The following GRAMD1C variants were observed in gnomAD, a reference collection of about 807,000 sequenced individuals.
GRAMD1C encodes GRAM domain containing 1C, also known as protein Aster-C.
GRAMD1C carries 89 observed loss-of-function variants against 97.8 expected under a neutral mutation model. That is an observed-to-expected ratio of 0.91 (90% CI 0.77 to 1.09). GRAMD1C has a LOEUF of 1.09. GRAMD1C is among the 50% of genes least tolerant of loss of function. GRAMD1C has a pLI of 0.00. For synonymous variants in GRAMD1C, 256 were observed against 267.0 expected (o/e 0.96, Z 0.40); for missense variants, 740 against 766.4 (o/e 0.97, Z 0.41).
chr3:113,937,669 TA>T (rs1209358261), intron 14 of GRAMD1C, among the ~76,000 whole-genome samples: 1 of 152,238 alleles, frequency 6.6e-6, no homozygotes, highest in Non-Finnish European at 1.5e-5. Context: ...AAATAATTTT[TA>T]AAAGTTCTTT....
intron 2 of GRAMD1C, among the ~76,000 whole-genome samples, chr3:113,860,267 G>A (rs1156950023): frequency 3.9e-5 from 6 of 152,110 alleles, no homozygotes; most frequent in African/African-American, 1.4e-4. Flanking sequence ...TGATCCACCC[G>A]CCTTGGCCTC....
At chr3:113,837,561 T>C (rs1559770794), upstream of GRAMD1C, among the ~76,000 whole-genome samples, 12 of 152,172 alleles carry the variant, frequency 7.9e-5, no homozygotes. Context: ...CATTGGTACA[T>C]AAAAAAATTT....
At chr3:113,890,325 A>C (rs1273083644) in intron 6 of GRAMD1C, among the ~76,000 whole-genome samples, 1 of 152,182 alleles carries the variant, frequency 6.6e-6, no homozygotes, top group Non-Finnish European at 1.5e-5. Flanking sequence ...GCCCTGCTTC[A>C]CCAGAGCCAC....
intron 10 of GRAMD1C, among the ~76,000 whole-genome samples, chr3:113,916,583 G>A (rs953106389): frequency 1.6e-4 from 25 of 152,130 alleles, no homozygotes; most frequent in Admixed American, 1.3e-3. Flanking sequence ...TCAGCATAGC[G>A]GTTACTGTTG....
At chr3:113,828,230 G>A (rs1379309660) in exon 1 of GRAMD1C, 1 of 152,286 alleles carries the variant, frequency 6.6e-6, no homozygotes, top group Admixed American at 6.5e-5. Flanking sequence ...TGTCCATATG[G>A]AGAGGAATTG....
chr3:113,939,791 A>G, intron 15 of GRAMD1C, 95 bp from the exon 16 acceptor site: 2 of 687,658 alleles, frequency 2.9e-6, no homozygotes, highest in South Asian at 3.4e-5. Context: ...CAGTGTAGAC[A>G]ATACACATTT....
intron 2 of GRAMD1C, among the ~76,000 whole-genome samples, chr3:113,852,521 G>T (rs370266455): frequency 2.0e-5 from 3 of 152,152 alleles, no homozygotes; most frequent in South Asian, 2.1e-4. Flanking sequence ...TCTGCTAAGG[G>T]TACCTAGCAA....
intron 6 of GRAMD1C, chr3:113,885,157 G>A (rs1426951050): frequency 6.6e-6 from 4 of 604,506 alleles, no homozygotes; most frequent in Middle Eastern, 4.4e-4. Flanking sequence ...TTTCTGAGCC[G>A]CCCGCTCCGT....
At chr3:113,895,038 C>T (rs1480842614) in intron 6 of GRAMD1C, among the ~76,000 whole-genome samples, 4 of 152,104 alleles carry the variant, frequency 2.6e-5, no homozygotes, top group Admixed American at 6.5e-5. Context: ...CTTGGTCAGA[C>T]GTAGGCCAAG....
chr3:113,839,210 C>G (rs1273642936), intron 1 of GRAMD1C, among the ~76,000 whole-genome samples: 1 of 152,056 alleles, frequency 6.6e-6, no homozygotes, highest in Non-Finnish European at 1.5e-5. Context: ...GATGTCTCAG[C>G]CCCAGGCCCC....
At chr3:113,833,836 T>A (rs77654733), upstream of GRAMD1C, among the ~76,000 whole-genome samples, 2,217 of 152,310 alleles carry the variant, frequency 0.015, 49 homozygotes, top group African/African-American at 0.048. Context: ...TCTTGCCACC[T>A]TTTTTGTTGC....
chr3:113,868,786 A>G (rs1934678797), intron 2 of GRAMD1C, among the ~76,000 whole-genome samples: 1 of 152,144 alleles, frequency 6.6e-6, no homozygotes, highest in African/African-American at 2.4e-5. Context: ...TGGCCAGGAA[A>G]TGTGTGGATA....
At chr3:113,852,882 G>A (rs1460307325) in intron 2 of GRAMD1C, among the ~76,000 whole-genome samples, 4 of 152,136 alleles carry the variant, frequency 2.6e-5, no homozygotes, top group African/African-American at 7.2e-5. Flanking sequence ...GCTTAGGGTG[G>A]GAGTGGGGGT....
At chr3:113,875,743 TAA>T (rs1239368106) in intron 4 of GRAMD1C, 156 bp downstream of exon 4, 25 of 505,386 alleles carry the variant, frequency 4.9e-5, no homozygotes, top group Admixed American at 2.5e-4. Context: ...GTTGTATATA[TAA>T]GTGTATAATA....
At chr3:113,932,915 C>T (rs564933491) in intron 11 of GRAMD1C, among the ~76,000 whole-genome samples, 1 of 144,500 alleles carries the variant, frequency 6.9e-6, no homozygotes, top group African/African-American at 2.6e-5. Context: ...CAGAGTCTTG[C>T]TGTGTCTCCC....
intron 8 of GRAMD1C, among the ~76,000 whole-genome samples, chr3:113,907,482 T>C (rs1936411470): frequency 6.6e-6 from 1 of 152,172 alleles, no homozygotes. Context: ...TTTCAGGTTA[T>C]AGAATACAAG....
chr3:113,909,589 A>G (rs1030167979), intron 9 of GRAMD1C, among the ~76,000 whole-genome samples: 1 of 152,136 alleles, frequency 6.6e-6, no homozygotes, highest in Admixed American at 6.6e-5. Context: ...TTACTTCAAT[A>G]CTGCCCAAGT....
Position 113,939,916 on chromosome 3 carries a change from A to T in GRAMD1C, c.1722A>T (p.Thr574=). 1 of 1,606,686 alleles carries T rather than the reference A, an allele frequency of 6.2e-7. No individual in the cohort carries two copies. The highest frequency in any genetic ancestry group is 8.5e-7 in the Non-Finnish European group (1 of 1,173,230). The part of the protein sequence containing the change: ...FVLLLVLLNV[T]LFLKLSKIEH... ...TGTTATTAGTTTTGTTGAATGTGAC[A>T]CTGTTTCTGAAGCTGTCAAAGATAG... The change falls in exon 16 of 18, where the codon ACA becomes ACT. Residue 574 remains threonine, a synonymous_variant. Coordinates refer to ENST00000358160, the MANE Select transcript of GRAMD1C (RefSeq NM_017577.5).
At chr3:113,853,026 A>G (rs531407903) in intron 2 of GRAMD1C, among the ~76,000 whole-genome samples, 5 of 152,334 alleles carry the variant, frequency 3.3e-5, no homozygotes, top group Non-Finnish European at 7.4e-5. Context: ...TGATGCTCCA[A>G]AACTTCAGAT....
Sources: allele counts gnomAD v4.1 joint callset (sites outside exome capture counted in the v4.1 genomes callset), GRCh38; gene constraint gnomAD v4.1.1; transcripts MANE v1.5; gene names NCBI Gene and HGNC (gene_info 2026-07-23, HGNC 2026-07-21).